MAGEC1: variants seen among roughly 807,000 people sequenced by gnomAD.
MAGEC1 encodes MAGE family member C1.
A neutral mutation model predicts 1.5 loss-of-function variants in MAGEC1; 3 were observed. That is an observed-to-expected ratio of 1.97 (90% CI 0.90 to 5.10). MAGEC1 has a LOEUF of 5.10. Ranked by LOEUF, MAGEC1 falls within the 30% of genes most tolerant of loss-of-function variation. The pLI, the probability that MAGEC1 is intolerant of heterozygous loss-of-function variation, is 0.02. For synonymous variants in MAGEC1, 357 were observed against 310.4 expected (o/e 1.15, Z -1.58); for missense variants, 985 against 803.1 (o/e 1.23, Z -2.74).
rs1221557051 is a variant in MAGEC1, at chrX:141,904,815, G to A, written c.-104+1G>A. 7 of 424,694 alleles carry A rather than the reference G, an allele frequency of 1.6e-5. No individual in the cohort carries two copies. The highest frequency in any genetic ancestry group is 2.9e-5 in the Non-Finnish European group (7 of 243,336). 35.0% of individuals were successfully genotyped at this position (424,694 alleles called of 1,213,427 possible). A position where few individuals can be genotyped will look rare whatever the true frequency, so the allele number is the denominator to read the frequency against. ...GGCCCAGGCAGTGCCAGGAGTCAAG[G>A]TGAGTGCACGACCTGACTGTGTACC... On this transcript the variant is annotated splice_donor_variant, in intron 2 of 3. Coordinates refer to ENST00000285879, the MANE Select transcript of MAGEC1 (RefSeq NM_005462.5). LOFTEE classifies it low-confidence loss of function (5UTR_SPLICE).
Position 141,905,516 on chromosome X carries a change from C to G in MAGEC1, c.112C>G (p.Pro38Ala). The G allele has an allele frequency of 2.5e-6, 3 of 1,210,447 alleles. No homozygotes were observed. Among genetic ancestry groups the G allele is most frequent in the Non-Finnish European group, 3.4e-6 (3 of 894,715 alleles). Residue 38 changes from proline (P) to alanine (A), a missense_variant, in exon 4 of 4, where the codon CCC (proline) becomes GCC (alanine). By Grantham distance (27) the Pro-to-Ala change is conservative. Coordinates refer to ENST00000285879, the MANE Select transcript of MAGEC1 (RefSeq NM_005462.5). ...GGACTCCCAGTCTCCTCTCCAGATTCCCCAGAGTTCTCCTGAGAGCGACGA... is the reference window on the plus strand; with the variant it reads ...GGACTCCCAGTCTCCTCTCCAGATTGCCCAGAGTTCTCCTGAGAGCGACGA... Reference protein sequence around the residue: ...GEDSQSPLQIPQSSPESDDTL... With the variant: ...GEDSQSPLQIAQSSPESDDTL...
In MAGEC1 at chrX:141,905,957, A is replaced by T. The variant is rs776197438; in HGVS notation, c.553A>T (p.Ser185Cys). ...GAGTATTTTCCAGAGTTCCCCTGAG[A>T]GTACTCAAAGTCCTTTTGAGGGTTT... ...LVSIFQSSPE[S>C]TQSPFEGFPQ... is the part of the protein sequence containing the mutation. The change falls in exon 4 of 4, where the codon AGT (serine) becomes TGT (cysteine). Residue 185 changes from serine (S) to cysteine (C), a missense_variant. Transcript: ENST00000285879. The T allele has an allele frequency of 5.0e-6, 6 of 1,204,893 alleles. No homozygotes were observed. The highest frequency in any genetic ancestry group is 3.6e-5 in the South Asian group (2 of 56,313).
At position 141,908,251 on chromosome X, in the gene MAGEC1, C is replaced by T. The variant is rs772405336; in HGVS notation, c.2847C>T (p.Ile949=). 1 of 1,209,520 alleles carries T rather than the reference C, an allele frequency of 8.3e-7. No individual in the cohort carries two copies. Among genetic ancestry groups the T allele is most frequent in the Admixed American group, 2.2e-5 (1 of 45,764 alleles). Reference sequence around the variant, plus strand: ...GGTACACGGGCTACTTTCCTGTGATCTTCAGGAAAGCCCGTGAGTTCATAG... The same window carrying T: ...GGTACACGGGCTACTTTCCTGTGATTTTCAGGAAAGCCCGTGAGTTCATAG... ...ISRYTGYFPV[I]FRKAREFIEI... Residue 949 remains isoleucine (I), a synonymous_variant, in exon 4 of 4, where the codon ATC becomes ATT. Coordinates refer to ENST00000285879, the MANE Select transcript of MAGEC1 (RefSeq NM_005462.5).
In MAGEC1 at chrX:141,907,287, C is replaced by G. The variant is rs749405774; in HGVS notation, c.1883C>G (p.Pro628Arg). The G allele has an allele frequency of 4.1e-6, 5 of 1,207,573 alleles. No homozygotes were observed. In the African/African-American group the frequency reaches 5.3e-5, roughly 13 times the overall value. Residue 628 changes from proline to arginine, a missense_variant, in exon 4 of 4, where the codon CCT becomes CGT. Physicochemically the swap from Pro to Arg is moderately radical, Grantham distance 103. Transcript: ENST00000285879. ...GAATTCCAGTCTTCTCTCCAGAGCC[C>G]TGTGAGCATCTGCTCCTCCTCCACT... ...GEEFQSSLQS[P>R]VSICSSSTPS...
rs1310079591 is a variant in MAGEC1, at chrX:141,907,774, T to G, written c.2370T>G (p.Leu790=). ...SSFFSYTLAS[L]LQSSHESPQS... ...TCTTCTCCTACACTTTAGCGAGTCTTCTCCAAAGTTCCCATGAGAGTCCTC... is the reference window on the plus strand; with the variant it reads ...TCTTCTCCTACACTTTAGCGAGTCTGCTCCAAAGTTCCCATGAGAGTCCTC... The change falls in exon 4 of 4, where the codon CTT becomes CTG. Residue 790 remains leucine, a synonymous_variant. Transcript: ENST00000285879. 8.3e-7 allele frequency: 1 copy of G among 1,208,001 alleles called. No individual in the cohort carries two copies. The highest frequency in any genetic ancestry group is 2.2e-5 in the Admixed American group (1 of 45,771).
In MAGEC1 at chrX:141,906,034, A is replaced by G. The variant is rs754963829; in HGVS notation, c.630A>G (p.Leu210=). 1 of 1,195,034 alleles carries G rather than the reference A, an allele frequency of 8.4e-7. No homozygotes were observed. The highest frequency in any genetic ancestry group is 1.1e-6 in the Non-Finnish European group (1 of 881,774). The part of the protein sequence containing the change: ...IPVSRSFSST[L]LSIFQSSPER... ...TGAGCCGCTCCTTCTCCTCCACTTT[A>G]TTGAGTATTTTCCAGAGTTCCCCTG... Residue 210 remains leucine, a synonymous_variant, in exon 4 of 4, where the codon TTA becomes TTG. Coordinates refer to ENST00000285879, the MANE Select transcript of MAGEC1 (RefSeq NM_005462.5).
chrX:141,904,632 G>A (rs1279701495), intron 1 of MAGEC1, 85 bp from the exon 2 acceptor site: 2 of 149,735 alleles, frequency 1.3e-5, no homozygotes, highest in African/African-American at 6.2e-5. Context: ...AGGGGGTCAC[G>A]AACCTCAGAA....
Position 141,905,565 on chromosome X carries a change from C to T in MAGEC1, c.161C>T (p.Pro54Leu), listed in dbSNP as rs377530412. 11 of 1,207,496 alleles carry T rather than the reference C, an allele frequency of 9.1e-6. No homozygotes were observed. The highest frequency in any genetic ancestry group is 3.0e-5 in the East Asian group (1 of 33,594). ...GACACCCTGTATCCTCTCCAGAGTCCTCAGAGTCGTTCTGAGGGGGAGGAC... is the reference window on the plus strand; with the variant it reads ...GACACCCTGTATCCTCTCCAGAGTCTTCAGAGTCGTTCTGAGGGGGAGGAC... ...SDDTLYPLQS[P>L]QSRSEGEDSS... The change falls in exon 4 of 4, where the codon CCT (proline) becomes CTT (leucine). Residue 54 changes from proline to leucine, a missense_variant. Physicochemically the swap from Pro to Leu is moderately conservative, Grantham distance 98 (BLOSUM62 -3). Coordinates refer to ENST00000285879, the MANE Select transcript of MAGEC1 (RefSeq NM_005462.5).
At position 141,905,928 on chromosome X, in the gene MAGEC1, T is replaced by G. The variant is rs140545849; in HGVS notation, c.524T>G (p.Leu175Ter). ...IPVSAASSST[L>*]VSIFQSSPES... Reference sequence around the variant, plus strand: ...GTGAGCGCCGCCTCCTCCTCCACTTTAGTGAGTATTTTCCAGAGTTCCCCT... The same window carrying G: ...GTGAGCGCCGCCTCCTCCTCCACTTGAGTGAGTATTTTCCAGAGTTCCCCT... Residue 175 changes from leucine (L) to a stop codon, truncating the protein, a stop_gained, in exon 4 of 4, where the codon TTA becomes TGA. Transcript: ENST00000285879. LOFTEE classifies it low-confidence loss of function (END_TRUNC). 3.0e-5 allele frequency: 36 copies of G among 1,195,541 alleles called. No homozygotes were observed. The African/African-American group carries it at 5.7e-4, about 19-fold the overall frequency.
intron 1 of MAGEC1, among the ~76,000 whole-genome samples, chrX:141,904,310 A>AG (rs1393528739): frequency 1.8e-5 from 2 of 109,472 alleles, no homozygotes; most frequent in African/African-American, 6.7e-5. Context: ...GGTGTAGGGG[A>AG]GGGGGAGGAG....
rs77648555 is a variant in MAGEC1, at chrX:141,906,203, T to C, written c.799T>C (p.Ser267Pro). The change falls in exon 4 of 4, where the codon TCT becomes CCT. Residue 267 changes from serine to proline, a missense_variant. Coordinates refer to ENST00000285879, the MANE Select transcript of MAGEC1 (RefSeq NM_005462.5). ...TACTTTTGAGGGTTTTGCCCAGTCT[T>C]CTCTCCAGATTCCTGTGAGCCCCTC... ...QSTFEGFAQSSLQIPVSPSFS... is the reference protein window; with the variant it reads ...QSTFEGFAQSPLQIPVSPSFS... 129,552 of 383,119 alleles carry C rather than the reference T, an allele frequency of 0.34. 34,357 individuals are homozygous for C. Among genetic ancestry groups the C allele is most frequent in the Non-Finnish European group, 0.38 (110,681 of 288,392 alleles). 31.6% of individuals were successfully genotyped at this position (383,119 alleles called of 1,213,427 possible).
In MAGEC1 at chrX:141,908,179, G is replaced by T. The variant is rs1275607445; in HGVS notation, c.2775G>T (p.Val925=). ...LARFLLLKYQ[V]KQPITKAEML... Reference sequence around the variant, plus strand: ...GGTTTCTTCTCCTCAAATATCAAGTGAAGCAGCCTATCACAAAGGCAGAGA... The same window carrying T: ...GGTTTCTTCTCCTCAAATATCAAGTTAAGCAGCCTATCACAAAGGCAGAGA... The change falls in exon 4 of 4, where the codon GTG becomes GTT. Residue 925 remains valine, a synonymous_variant. Transcript: ENST00000285879. 9.9e-6 allele frequency: 12 copies of T among 1,211,853 alleles called. No homozygotes were observed. In the East Asian group the frequency reaches 3.5e-4, roughly 36 times the overall value.
intron 3 of MAGEC1, 21 bp from the exon 4 acceptor site, chrX:141,905,388 C>G (rs754852488): frequency 8.4e-7 from 1 of 1,186,109 alleles, no homozygotes; most frequent in South Asian, 1.8e-5. Context: ...TCATCCTCCT[C>G]TCTGCTTCTG....
intron 3 of MAGEC1, among the ~76,000 whole-genome samples, 160 bp from the exon 4 acceptor site, chrX:141,905,249 A>G (rs942453228): frequency 8.9e-6 from 1 of 112,126 alleles, no homozygotes. Flanking sequence ...CCAGAAGGCA[A>G]TTTTCATACT....
In MAGEC1 at chrX:141,908,389, C is replaced by T. The variant is rs1245552640; in HGVS notation, c.2985C>T (p.Ser995=). Residue 995 remains serine, a synonymous_variant, in exon 4 of 4, where the codon TCC becomes TCT. Transcript: ENST00000285879. Reference sequence around the variant, plus strand: ...GTCTGAGTGATGAGCAGGGCATGTCCCAGAACCGCCTCCTGATTCTTATTC... The same window carrying T: ...GTCTGAGTGATGAGCAGGGCATGTCTCAGAACCGCCTCCTGATTCTTATTC... ...EGCLSDEQGM[S]QNRLLILILS... 3 of 1,209,009 alleles carry T rather than the reference C, an allele frequency of 2.5e-6. No homozygotes were observed. Among genetic ancestry groups the T allele is most frequent in the Non-Finnish European group, 3.4e-6 (3 of 894,923 alleles).
chrX:141,907,550 G>A lies in MAGEC1; in HGVS notation c.2146G>A (p.Glu716Lys). ...TCTCCATTTTCCTCAGAGTCCTCCT[G>A]AGTGGGAGGACTCCCTCTCTCCTCT... ...SSLHFPQSPP[E>K]WEDSLSPLHF... Residue 716 changes from glutamate to lysine, a missense_variant, in exon 4 of 4, where the codon GAG becomes AAG. Transcript: ENST00000285879. 8.4e-7 allele frequency: 1 copy of A among 1,184,322 alleles called. No individual in the cohort carries two copies. The highest frequency in any genetic ancestry group is 2.4e-4 in the Middle Eastern group (1 of 4,223).
rs1926900810 is a variant in MAGEC1 at position 141,906,486 on chromosome X, C to T, written c.1082C>T (p.Ala361Val). The change falls in exon 4 of 4, where the codon GCT becomes GTT. Residue 361 changes from alanine (A) to valine (V), a missense_variant. By Grantham distance (64) the Ala-to-Val change is moderately conservative. Coordinates refer to ENST00000285879, the MANE Select transcript of MAGEC1 (RefSeq NM_005462.5). ...LSIFQSSPESAQSTFEGFPQS... is the reference protein window; with the variant it reads ...LSIFQSSPESVQSTFEGFPQS... The stretch of plus-strand genomic sequence containing the variant: ...ATTTTCCAGAGTTCTCCTGAGAGTG[C>T]TCAAAGTACTTTTGAGGGTTTTCCC... The T allele has an allele frequency of 1.7e-6, 2 of 1,195,346 alleles. No individual in the cohort carries two copies. Among genetic ancestry groups the T allele is most frequent in the South Asian group, 1.8e-5 (1 of 55,432 alleles).
chrX:141,905,774 G>A lies in MAGEC1; in HGVS notation c.370G>A (p.Val124Ile). 1 of 1,212,181 alleles carries A rather than the reference G, an allele frequency of 8.2e-7. No homozygotes were observed. The highest frequency in any genetic ancestry group is 1.1e-6 in the Non-Finnish European group (1 of 895,493). Residue 124 changes from valine (V) to isoleucine (I), a missense_variant, in exon 4 of 4, where the codon GTC (valine) becomes ATC (isoleucine). Val to Ile is a conservative substitution (Grantham distance 29). Coordinates refer to ENST00000285879, the MANE Select transcript of MAGEC1 (RefSeq NM_005462.5). ...ISQSPPEGED[V>I]QSPLQNPASS... is the part of the protein sequence containing the mutation. ...TCAGAGCCCTCCTGAGGGTGAGGAT[G>A]TCCAGTCTCCTCTGCAGAATCCTGC...
In MAGEC1 at chrX:141,908,377, G is replaced by A; in HGVS notation, c.2973G>A (p.Glu991=). ...DLTSEGCLSD[E]QGMSQNRLLI... ...CCTCTGAGGGGTGTCTGAGTGATGAGCAGGGCATGTCCCAGAACCGCCTCC... is the reference window on the plus strand; with the variant it reads ...CCTCTGAGGGGTGTCTGAGTGATGAACAGGGCATGTCCCAGAACCGCCTCC... The change falls in exon 4 of 4, where the codon GAG becomes GAA. Residue 991 remains glutamate (E), a synonymous_variant. Transcript: ENST00000285879. 2 of 1,211,358 alleles carry A rather than the reference G, an allele frequency of 1.7e-6. No individual in the cohort carries two copies. The highest frequency in any genetic ancestry group is 2.2e-6 in the Non-Finnish European group (2 of 895,301).
Sources: allele counts gnomAD v4.1 joint callset (sites outside exome capture counted in the v4.1 genomes callset), GRCh38; gene constraint gnomAD v4.1.1; transcripts MANE v1.5; gene names NCBI Gene and HGNC (gene_info 2026-07-23, HGNC 2026-07-21).